The following DLGAP2 variants were observed in gnomAD, a reference collection of about 807,000 sequenced individuals.
DLGAP2 encodes disks large-associated protein 2.
In DLGAP2, 26 loss-of-function variants were observed where a neutral mutation model predicts 100.3. That is an observed-to-expected ratio of 0.26 (90% CI 0.19 to 0.36). The LOEUF (loss-of-function observed/expected upper bound fraction) is 0.36. DLGAP2 is among the 10% of genes least tolerant of loss of function. The pLI is 1.00. For missense variants in DLGAP2, 1,858 were observed against 1,453.2 expected, an observed-to-expected ratio of 1.28 and a Z score of -4.53; for synonymous variants, 886 against 630.1, an observed-to-expected ratio of 1.41 and a Z score of -6.08.
intron 3 of DLGAP2, among the ~76,000 whole-genome samples, chr8:1,371,215 G>T (rs1296523344): frequency 3.3e-5 from 5 of 152,250 alleles, no homozygotes; most frequent in African/African-American, 1.2e-4. Flanking sequence ...CACCTGGTCA[G>T]CAGTCCTCAG....
intron 13 of DLGAP2, among the ~76,000 whole-genome samples, chr8:1,695,868 A>G (rs924524300): frequency 5.9e-5 from 9 of 152,332 alleles, no homozygotes; most frequent in Non-Finnish European, 1.2e-4. Flanking sequence ...CCCCACCCAC[A>G]GAGGCTGAGT....
intron 3 of DLGAP2, among the ~76,000 whole-genome samples, chr8:1,270,704 CTG>C (rs5888826): frequency 0.75 from 112,731 of 150,522 alleles, 42,630 homozygotes; most frequent in Non-Finnish European, 0.81. Flanking sequence ...GTGTGTGTCT[CTG>C]TGTGTGTGTG....
At chr8:858,413 A>G (rs552393781) in intron 1 of DLGAP2, among the ~76,000 whole-genome samples, 82 of 152,352 alleles carry the variant, frequency 5.4e-4, no homozygotes, top group African/African-American at 1.9e-3. Flanking sequence ...AGTGGCTGCC[A>G]TGGGCTGTGG....
chr8:1,064,259 G>T (rs1237774791), intron 2 of DLGAP2, among the ~76,000 whole-genome samples: 3 of 152,142 alleles, frequency 2.0e-5, no homozygotes, highest in African/African-American at 7.2e-5. Flanking sequence ...ACTTATTTAT[G>T]GTTAAAACAA....
At chr8:1,130,576 A>T (rs1169518415) in intron 2 of DLGAP2, among the ~76,000 whole-genome samples, 1 of 152,182 alleles carries the variant, frequency 6.6e-6, no homozygotes, top group Admixed American at 6.5e-5. Context: ...CCCCAACTGT[A>T]ACTGGTCCCT....
intron 2 of DLGAP2, among the ~76,000 whole-genome samples, chr8:1,209,401 T>TTTTAA (rs1563254843): frequency 6.6e-6 from 1 of 152,216 alleles, no homozygotes; most frequent in Non-Finnish European, 1.5e-5. Flanking sequence ...CTTCCCTACA[T>TTTTAA]TTTAAATTCC....
chr8:1,662,927 CGTA>C (rs747687215), intron 8 of DLGAP2, among the ~76,000 whole-genome samples: 9 of 124,380 alleles, frequency 7.2e-5, no homozygotes, highest in East Asian at 2.4e-4. Flanking sequence ...TGTGTGTACA[CGTA>C]GTGTGGGGTG....
chr8:1,462,747 C>T (rs892159693), intron 3 of DLGAP2, among the ~76,000 whole-genome samples: 7 of 152,186 alleles, frequency 4.6e-5, no homozygotes, highest in East Asian at 3.9e-4. Context: ...GGAGCCACGT[C>T]CCCCCGCAGA....
At chr8:1,230,592 T>TA (rs1250230399) in intron 2 of DLGAP2, among the ~76,000 whole-genome samples, 4 of 152,352 alleles carry the variant, frequency 2.6e-5, no homozygotes, top group African/African-American at 9.6e-5. Context: ...GGCATCATGT[T>TA]ACCTGACTTC....
intron 3 of DLGAP2, among the ~76,000 whole-genome samples, chr8:1,310,160 C>T: frequency 6.6e-6 from 1 of 151,136 alleles, no homozygotes; most frequent in East Asian, 1.9e-4. Flanking sequence ...ATAAATTTAT[C>T]TTCAAAGAAA....
intron 2 of DLGAP2, among the ~76,000 whole-genome samples, chr8:1,136,281 G>T (rs941648180): frequency 6.7e-6 from 1 of 150,060 alleles, no homozygotes; most frequent in Non-Finnish European, 1.5e-5. Context: ...ATTTACCAGC[G>T]AATAGACTTC....
chr8:1,411,202 C>A (rs935247892), intron 3 of DLGAP2, among the ~76,000 whole-genome samples: 1 of 152,074 alleles, frequency 6.6e-6, no homozygotes, highest in East Asian at 1.9e-4. Context: ...TTATTCATTG[C>A]AATAATTTGG....
chr8:756,938 G>A lies in DLGAP2; in HGVS notation c.18+19113G>A, dbSNP rs111370053. 3.5e-3 allele frequency among the ~76,000 whole-genome samples: 535 copies of A among 152,236 alleles called. 4 individuals carry two copies. The highest frequency in any genetic ancestry group is 0.012 in the African/African-American group (498 of 41,538). Reference sequence around the variant, plus strand: ...TGGCAGACCCAGATTTCCCCTTTCTGGCTCTCGAGTTTTCTGCAAAATGTC... The same window carrying A: ...TGGCAGACCCAGATTTCCCCTTTCTAGCTCTCGAGTTTTCTGCAAAATGTC... On this transcript the variant is annotated intron_variant, in intron 1 of 14. Transcript: ENST00000637795.
chr8:1,549,426 C>G lies in DLGAP2; in HGVS notation c.973C>G (p.His325Asp), dbSNP rs1801682025. ...LNRHHLGPVA[H>D]CYPDALQSPF... The stretch of plus-strand genomic sequence containing the variant: ...CCGGCACCACCTGGGCCCCGTGGCC[C>G]ACTGCTACCCCGACGCGCTGCAGAG... The change falls in exon 5 of 15, where the codon CAC becomes GAC. Residue 325 changes from histidine to aspartate, a missense_variant. Physicochemically the swap from His to Asp is moderately conservative, Grantham distance 81. Transcript: ENST00000637795. 6.2e-7 allele frequency: 1 copy of G among 1,613,474 alleles called. No individual in the cohort carries two copies.
intron 3 of DLGAP2, among the ~76,000 whole-genome samples, chr8:1,497,758 C>T (rs1279847059): frequency 5.9e-5 from 9 of 152,284 alleles, no homozygotes; most frequent in African/African-American, 1.4e-4. Flanking sequence ...CGGTAGTCCC[C>T]GCTGTCCACG....
chr8:1,011,528 G>T (rs1801286300), intron 2 of DLGAP2, among the ~76,000 whole-genome samples: 2 of 149,452 alleles, frequency 1.3e-5, no homozygotes, highest in South Asian at 2.1e-4. Flanking sequence ...GTGAGCCCTG[G>T]AATGAGGAGT....
chr8:1,183,455 C>T (rs114139911), intron 2 of DLGAP2, among the ~76,000 whole-genome samples: 295 of 152,280 alleles, frequency 1.9e-3, no homozygotes, highest in African/African-American at 6.5e-3. Flanking sequence ...ATAGAATGCA[C>T]TGCTAAGAGT....
chr8:1,511,928 A>G (rs945124423), intron 4 of DLGAP2, among the ~76,000 whole-genome samples: 1 of 152,242 alleles, frequency 6.6e-6, no homozygotes, highest in Non-Finnish European at 1.5e-5. Context: ...GAGCCTGACA[A>G]AAAGCGTGCG....
intron 3 of DLGAP2, among the ~76,000 whole-genome samples, chr8:1,295,491 C>G (rs1046655833): frequency 1.3e-5 from 2 of 152,156 alleles, no homozygotes; most frequent in Non-Finnish European, 2.9e-5. Context: ...GAAGCACACT[C>G]TCTGTCCACC....
Sources: gnomAD v4.1 joint callset for allele counts (sites outside exome capture counted in the v4.1 genomes callset) on GRCh38, gnomAD v4.1.1 for gene constraint, MANE v1.5 for transcripts, NCBI Gene and HGNC (gene_info 2026-07-23, HGNC 2026-07-21) for gene names.